The following DLG1 variants were observed in gnomAD, a reference collection of about 807,000 sequenced individuals.
DLG1 encodes the protein discs large MAGUK scaffold protein 1.
In DLG1, 42 loss-of-function variants were observed where a neutral mutation model predicts 123.4. That is an observed-to-expected ratio of 0.34 (90% CI 0.27 to 0.44). The LOEUF is 0.44. Among genes scored for constraint, DLG1 ranks in the 20% least tolerant of loss-of-function variants. DLG1 has a pLI of 1.00. For synonymous variants in DLG1, 317 were observed against 356.2 expected (o/e 0.89, Z 1.24); for missense variants, 942 against 1,082.6 (o/e 0.87, Z 1.82).
chr3:197,160,751 GATAT>G (rs1798464404), intron 5 of DLG1, among the ~76,000 whole-genome samples: 1 of 152,006 alleles, frequency 6.6e-6, no homozygotes, highest in South Asian at 2.1e-4. Context: ...AATCACAGCT[GATAT>G]ATCATTTTTT....
At chr3:197,261,770 G>A (rs338197) in intron 4 of DLG1, among the ~76,000 whole-genome samples, 113,826 of 151,588 alleles carry the variant, frequency 0.75, 42,719 homozygotes, top group East Asian at 0.82. Flanking sequence ...ACTATTATTA[G>A]TATGTATCAA....
intron 10 of DLG1, among the ~76,000 whole-genome samples, chr3:197,135,323 G>A (rs748336072): frequency 6.6e-6 from 1 of 152,212 alleles, no homozygotes; most frequent in Non-Finnish European, 1.5e-5. Context: ...GAGGTGATTA[G>A]ATCACGGAGG....
At chr3:197,141,440 G>T (rs1310239601) in intron 7 of DLG1, among the ~76,000 whole-genome samples, 1 of 152,204 alleles carries the variant, frequency 6.6e-6, no homozygotes, top group African/African-American at 2.4e-5. Context: ...CATTAATACT[G>T]TGCTTACTTG....
chr3:197,101,390 C>CT (rs11368400), intron 14 of DLG1, among the ~76,000 whole-genome samples: 24,225 of 146,208 alleles, frequency 0.17, 2,339 homozygotes, highest in South Asian at 0.36. Flanking sequence ...ACAGGAGATT[C>CT]TTTTTTTTTT....
chr3:197,244,017 T>G (rs1028672697), intron 4 of DLG1, among the ~76,000 whole-genome samples: 3 of 152,186 alleles, frequency 2.0e-5, no homozygotes, highest in African/African-American at 7.2e-5. Context: ...GAGTATCCAG[T>G]AATAGTCCAC....
rs376371121 is a variant in DLG1 at position 197,181,790 on chromosome 3, G to A, written c.483+12635C>T. Among the ~76,000 whole-genome samples, 4 of 152,256 alleles carry A rather than the reference G, an allele frequency of 2.6e-5. No homozygotes were observed. The South Asian group carries it at 8.3e-4, about 32-fold the overall frequency. ...AGAAAGGTAATGAAAAAGACAAGAT[G>A]AGAATCAGGAAAGAGGTCTGAAAGA... On this transcript the variant is annotated intron_variant, in intron 5 of 24. Coordinates refer to ENST00000667157, the MANE Select transcript of DLG1 (RefSeq NM_001366207.1).
chr3:197,103,146 C>T (rs553265030), intron 14 of DLG1, among the ~76,000 whole-genome samples: 159 of 152,264 alleles, frequency 1.0e-3, no homozygotes, highest in African/African-American at 3.5e-3. Context: ...CCCCTCTTTC[C>T]GTGTGGCTTC....
chr3:197,095,018 GT>G (rs1332498215), intron 14 of DLG1, among the ~76,000 whole-genome samples: 1 of 152,000 alleles, frequency 6.6e-6, no homozygotes, highest in Non-Finnish European at 1.5e-5. Context: ...TTCTAGCATT[GT>G]TTTGGATTTC....
intron 14 of DLG1, among the ~76,000 whole-genome samples, chr3:197,099,758 AAATACATTAAACAC>A (rs1461311291): frequency 6.6e-6 from 1 of 152,230 alleles, no homozygotes; most frequent in African/African-American, 2.4e-5. Context: ...AACTGTAATA[AAATACATTAAACAC>A]AGATATTAAA....
At position 197,296,358 on chromosome 3, in the gene DLG1, G is replaced by C. The variant is rs1468203694; in HGVS notation, c.139C>G (p.Gln47Glu). 6.2e-7 allele frequency: 1 copy of C among 1,613,504 alleles called. No individual in the cohort carries two copies. Among genetic ancestry groups the C allele is most frequent in the Non-Finnish European group, 8.5e-7 (1 of 1,179,566 alleles). ...VINIFQSNLF[Q>E]ALIDIQEFYE... Reference sequence around the variant, plus strand: ...TTTTAATTCCCACCTATTAAAGCCTGAAAGAGGTTGCTCTGAAATATGTTA... The same window carrying C: ...TTTTAATTCCCACCTATTAAAGCCTCAAAGAGGTTGCTCTGAAATATGTTA... Residue 47 changes from glutamine (Q) to glutamate (E), a missense_variant, in exon 3 of 25, where the codon CAG becomes GAG. Physicochemically the swap from Gln to Glu is conservative, Grantham distance 29. Coordinates refer to ENST00000667157, the MANE Select transcript of DLG1 (RefSeq NM_001366207.1).
At chr3:197,133,192 A>G (rs1783517703) in intron 10 of DLG1, among the ~76,000 whole-genome samples, 1 of 152,246 alleles carries the variant, frequency 6.6e-6, no homozygotes, top group Non-Finnish European at 1.5e-5. Context: ...TGAAGGAAAG[A>G]GAAGATTGAT....
chr3:197,096,067 T>C (rs1207673592), intron 14 of DLG1, among the ~76,000 whole-genome samples: 1 of 152,170 alleles, frequency 6.6e-6, no homozygotes, highest in Non-Finnish European at 1.5e-5. Flanking sequence ...TGCTAGGTGC[T>C]CACTGCTCTT....
chr3:197,172,716 A>G (rs148412444), intron 5 of DLG1, among the ~76,000 whole-genome samples: 2 of 152,276 alleles, frequency 1.3e-5, no homozygotes, highest in East Asian at 3.9e-4. Flanking sequence ...GGCAGCCACC[A>G]CCAATCAGAA....
At chr3:197,224,703 G>T (rs1027096450) in intron 4 of DLG1, among the ~76,000 whole-genome samples, 2 of 151,960 alleles carry the variant, frequency 1.3e-5, no homozygotes, top group South Asian at 4.1e-4. Flanking sequence ...ACAAAACAAA[G>T]AACTTAATGT....
chr3:197,253,849 T>C (rs1416005615), intron 4 of DLG1, among the ~76,000 whole-genome samples: 2 of 151,904 alleles, frequency 1.3e-5, no homozygotes, highest in Non-Finnish European at 2.9e-5. Flanking sequence ...TAAAGGCACA[T>C]GTGATTTCTG....
chr3:197,227,395 A>C (rs1464474804), intron 4 of DLG1, among the ~76,000 whole-genome samples: 1 of 152,072 alleles, frequency 6.6e-6, no homozygotes, highest in African/African-American at 2.4e-5. Flanking sequence ...GAATAGCTTG[A>C]AACTGGGAGA....
intron 5 of DLG1, chr3:197,161,687 G>A: frequency 6.3e-7 from 1 of 1,578,128 alleles, no homozygotes; most frequent in African/African-American, 1.4e-5. Flanking sequence ...GGGACTGGCA[G>A]GACAGGGATC....
chr3:197,181,236 G>C (rs901344096), intron 5 of DLG1, among the ~76,000 whole-genome samples: 3 of 152,084 alleles, frequency 2.0e-5, no homozygotes, highest in African/African-American at 7.2e-5. Flanking sequence ...CATACTAATA[G>C]AACTTGATTT....
At chr3:197,120,210 G>A (rs577532776) in intron 11 of DLG1, among the ~76,000 whole-genome samples, 39 of 150,318 alleles carry the variant, frequency 2.6e-4, no homozygotes, top group Non-Finnish European at 4.9e-4. Flanking sequence ...GCAGTGAGCC[G>A]AGATCGCATC....
Sources: allele counts gnomAD v4.1 joint callset (sites outside exome capture counted in the v4.1 genomes callset), GRCh38; gene constraint gnomAD v4.1.1; transcripts MANE v1.5; gene names NCBI Gene and HGNC (gene_info 2026-07-23, HGNC 2026-07-21).